ZFP3: variants seen among roughly 807,000 people sequenced by gnomAD.
The protein encoded by ZFP3 is ZFP3 zinc finger protein.
ZFP3 carries 18 observed loss-of-function variants against 36.7 expected under a neutral mutation model. That is an observed-to-expected ratio of 0.49 (90% confidence interval 0.34 to 0.73). The LOEUF is 0.73. Among genes scored for constraint, ZFP3 ranks in the 30% least tolerant of loss-of-function variants. ZFP3 has a pLI of 0.01. For synonymous variants in ZFP3, 218 were observed against 199.0 expected, an observed-to-expected ratio of 1.10 and a Z score of -0.81; for missense variants, 495 against 599.0, an observed-to-expected ratio of 0.83 and a Z score of 1.81.
At chr17:5,090,992 G>C (rs112051211) in intron 1 of ZFP3, among the ~76,000 whole-genome samples, 10 of 151,902 alleles carry the variant, frequency 6.6e-5, no homozygotes, top group African/African-American at 2.4e-4. Context: ...AATATTTATC[G>C]TATACCTATC....
At chr17:5,088,338 T>A (rs2072131433) in intron 1 of ZFP3, among the ~76,000 whole-genome samples, 1 of 152,146 alleles carries the variant, frequency 6.6e-6, no homozygotes. Flanking sequence ...TCTTGCAGAA[T>A]TTGACCTCTT....
In ZFP3 at chr17:5,093,015, C is replaced by T. The variant is rs201769994; in HGVS notation, c.*2C>T. ...CAAAGTGTTCACTGTATGGAGTAAT[C>T]TGCAAAATAGGAAAGCTTTTAGTGG... is the stretch of plus-strand genomic sequence containing the variant. On this transcript the variant is annotated 3_prime_UTR_variant, in exon 2 of 2. Transcript: ENST00000318833. 1.9e-6 allele frequency: 3 copies of T among 1,552,230 alleles called. No homozygotes were observed. Among genetic ancestry groups the T allele is most frequent in the Non-Finnish European group, 2.6e-6 (3 of 1,152,484 alleles).
rs775082519 is a variant in ZFP3 at position 5,092,898 on chromosome 17, T to G, written c.1394T>G (p.Ile465Ser). The G allele has an allele frequency of 1.9e-6, 3 of 1,614,216 alleles. No homozygotes were observed. In the South Asian group the frequency reaches 3.3e-5, roughly 18 times the overall value. ...EKTFSQHSQL[I>S]IHQRIHTGEK... ...ACATTTAGCCAGCATTCCCAACTTA[T>G]CATACATCAGAGAATTCACACTGGA... The change falls in exon 2 of 2, where the codon ATC becomes AGC. Residue 465 changes from isoleucine (I) to serine (S), a missense_variant. Around this residue, in one of 3 missense-constraint regions of ZFP3, gnomAD observed 163 missense variants for 178.4 expected, o/e 0.91. Coordinates refer to ENST00000318833, the MANE Select transcript of ZFP3 (RefSeq NM_153018.3). This position sits in a 1 kb window ranked among gnomAD's most constrained non-coding sequence, Gnocchi z 5.0.
chr17:5,080,687 C>T (rs1298902291), intron 1 of ZFP3, among the ~76,000 whole-genome samples: 1 of 152,152 alleles, frequency 6.6e-6, no homozygotes, highest in Non-Finnish European at 1.5e-5. Flanking sequence ...ACATCCTTCA[C>T]CCTCTCTGTA....
intron 1 of ZFP3, among the ~76,000 whole-genome samples, chr17:5,086,422 C>T (rs2072121232): frequency 6.6e-6 from 1 of 152,158 alleles, no homozygotes; most frequent in Admixed American, 6.6e-5. Flanking sequence ...GCCTCCTCTG[C>T]TGCTCAGGGT....
intron 1 of ZFP3, among the ~76,000 whole-genome samples, chr17:5,086,724 C>CTTTTTTTT (rs5819008): frequency 5.4e-5 from 6 of 110,658 alleles, no homozygotes; most frequent in African/African-American, 1.5e-4. Flanking sequence ...CATTTTCTTT[C>CTTTTTTTT]TTTTTTTTTT....
intron 1 of ZFP3, among the ~76,000 whole-genome samples, chr17:5,082,208 C>G (rs967465005): frequency 6.6e-6 from 1 of 151,612 alleles, no homozygotes; most frequent in Non-Finnish European, 1.5e-5. Context: ...TTAGCCGGGC[C>G]TGGTGGTGGG....
At chr17:5,087,761 C>T (rs545101155) in intron 1 of ZFP3, among the ~76,000 whole-genome samples, 1 of 152,172 alleles carries the variant, frequency 6.6e-6, no homozygotes, top group African/African-American at 2.4e-5. Context: ...AACACCAACC[C>T]AAGGCGACCT....
chr17:5,090,175 A>C (rs1431202262), intron 1 of ZFP3, among the ~76,000 whole-genome samples: 1 of 152,232 alleles, frequency 6.6e-6, no homozygotes, highest in East Asian at 1.9e-4. Context: ...TTTATACTAA[A>C]GTTTACTTGG....
At chr17:5,083,976 C>T (rs570310019) in intron 1 of ZFP3, among the ~76,000 whole-genome samples, 2 of 152,058 alleles carry the variant, frequency 1.3e-5, no homozygotes, top group Middle Eastern at 3.4e-3. Flanking sequence ...AACTGATTCT[C>T]CTGCCTCAGC....
rs149633030 is a variant in ZFP3, at chr17:5,080,173, C to T, written c.-9+1598C>T. Among the ~76,000 whole-genome samples the T allele has an allele frequency of 3.1e-3, 472 of 152,290 alleles. 3 individuals carry two copies. Among genetic ancestry groups the T allele is most frequent in the Non-Finnish European group, 3.7e-3 (249 of 68,032 alleles). The stretch of plus-strand genomic sequence containing the variant: ...GGTAGTGAGATGGCAGCAGCAGGTA[C>T]AGGCAATAATATATGGAAGTATTTT... On this transcript the variant is annotated intron_variant, in intron 1 of 1. Transcript: ENST00000318833.
In ZFP3 at chr17:5,092,043, C is replaced by T; in HGVS notation, c.539C>T (p.Thr180Ile). ...ECKECGKTFGTNSSLRRHLRI... is the reference protein window; with the variant it reads ...ECKECGKTFGINSSLRRHLRI... ...AAAGAATGTGGAAAGACATTTGGAA[C>T]TAATTCAAGCCTTCGACGGCACCTG... is the stretch of plus-strand genomic sequence containing the variant. The change falls in exon 2 of 2, where the codon ACT becomes ATT. Residue 180 changes from threonine (T) to isoleucine (I), a missense_variant. Thr to Ile is a moderately conservative substitution (Grantham distance 89). Around this residue, in one of 3 missense-constraint regions of ZFP3, gnomAD observed 229 missense variants for 233.8 expected, o/e 0.98. Coordinates refer to ENST00000318833, the MANE Select transcript of ZFP3 (RefSeq NM_153018.3). The surrounding 1 kb of genome is among the most constrained non-coding windows in gnomAD (Gnocchi z 5.0). 1 of 1,614,184 alleles carries T rather than the reference C, an allele frequency of 6.2e-7. No individual in the cohort carries two copies. The highest frequency in any genetic ancestry group is 8.5e-7 in the Non-Finnish European group (1 of 1,180,034).
intron 1 of ZFP3, among the ~76,000 whole-genome samples, chr17:5,084,554 C>T (rs1323762141): frequency 1.3e-5 from 2 of 151,836 alleles, no homozygotes; most frequent in African/African-American, 4.8e-5. Context: ...GGATTACAGG[C>T]GTGAGCCACC....
intron 1 of ZFP3, among the ~76,000 whole-genome samples, chr17:5,088,099 C>A (rs2072130339): frequency 6.6e-6 from 1 of 152,126 alleles, no homozygotes; most frequent in South Asian, 2.1e-4. Context: ...GAGCTTTAGA[C>A]CAATATATTT....
intron 1 of ZFP3, among the ~76,000 whole-genome samples, chr17:5,086,562 C>T (rs6502840): frequency 0.18 from 27,299 of 150,710 alleles, 3,500 homozygotes; most frequent in African/African-American, 0.37. Flanking sequence ...TAGCACTGTC[C>T]GTCTTGGTCT....
intron 1 of ZFP3, among the ~76,000 whole-genome samples, chr17:5,080,414 A>G (rs2072087279): frequency 6.6e-6 from 1 of 152,152 alleles, no homozygotes; most frequent in Non-Finnish European, 1.5e-5. Context: ...ATGAGGTTAG[A>G]TCTCTGGCAA....
In ZFP3 at chr17:5,093,008, G is replaced by A. The variant is rs566006894; in HGVS notation, c.1504G>A (p.Glu502Lys). ...CCGACATCAAAGTGTTCACTGTATG[G>A]AGTAATCTGCAAAATAGGAAAGCTT... ...LLRHQSVHCM[E>K] Residue 502 changes from glutamate to lysine, a missense_variant, in exon 2 of 2, where the codon GAG becomes AAG. Physicochemically the swap from Glu to Lys is moderately conservative, Grantham distance 56 (BLOSUM62 1). Coordinates refer to ENST00000318833, the MANE Select transcript of ZFP3 (RefSeq NM_153018.3). 1.9e-6 allele frequency: 3 copies of A among 1,561,084 alleles called. No homozygotes were observed. The East Asian group carries it at 6.8e-5, about 35-fold the overall frequency.
Position 5,093,909 on chromosome 17 carries a change from G to T in ZFP3, c.*896G>T, listed in dbSNP as rs553354358. The T allele has an allele frequency of 1.2e-5, 2 of 167,278 alleles. No homozygotes were observed. The highest frequency in any genetic ancestry group is 6.5e-5 in the Admixed American group (1 of 15,316). 10.4% of individuals were successfully genotyped at this position (167,278 alleles called of 1,614,324 possible). A position where few individuals can be genotyped will look rare whatever the true frequency, so the allele number is the denominator to read the frequency against. On this transcript the variant is annotated 3_prime_UTR_variant, in exon 2 of 2. Transcript: ENST00000318833. The stretch of plus-strand genomic sequence containing the variant: ...GGCATGGGCAGAAGCAGCTCTTCAG[G>T]AGCTGTCCACACTTCAGGGGTGCTC...
chr17:5,080,252 G>A (rs368526891), intron 1 of ZFP3, among the ~76,000 whole-genome samples: 2 of 152,092 alleles, frequency 1.3e-5, no homozygotes, highest in Non-Finnish European at 2.9e-5. Flanking sequence ...CCCAGCAAAC[G>A]TCCTCAAAAT....
Sources: allele counts gnomAD v4.1 joint callset (sites outside exome capture counted in the v4.1 genomes callset), GRCh38; gene constraint gnomAD v4.1.1; regional missense constraint gnomAD v4.1.1; non-coding constraint Gnocchi (gnomAD v3.1); transcripts MANE v1.5; gene names NCBI Gene and HGNC (gene_info 2026-07-23, HGNC 2026-07-21).